HPSE2: variants seen among roughly 807,000 people sequenced by gnomAD.
HPSE2 encodes the protein inactive heparanase-2.
HPSE2 carries 38 observed loss-of-function variants against 60.5 expected under a neutral mutation model. The observed-to-expected ratio is 0.63, with a 90% CI of 0.48 to 0.82. The LOEUF (loss-of-function observed/expected upper bound fraction) is 0.82. Ranked by LOEUF, HPSE2 falls within the 40% of genes least tolerant of loss-of-function variation. The pLI is 0.00. For synonymous variants in HPSE2, 295 were observed against 293.2 expected, an observed-to-expected ratio of 1.01 and a Z score of -0.06; for missense variants, 713 against 740.4, an observed-to-expected ratio of 0.96 and a Z score of 0.43.
At chr10:98,744,533 C>CAAAACAAAACAAA (rs1007922311) in intron 3 of HPSE2, among the ~76,000 whole-genome samples, 1 of 150,916 alleles carries the variant, frequency 6.6e-6, no homozygotes, top group Admixed American at 6.6e-5. Flanking sequence ...GTCTCAAAAA[C>CAAAACAAAACAAA]AAAACAAAAC....
At chr10:98,698,537 G>A (rs1012373347) in intron 5 of HPSE2, among the ~76,000 whole-genome samples, 83 of 151,872 alleles carry the variant, frequency 5.5e-4, no homozygotes, top group Admixed American at 1.1e-3. Context: ...AAGAGAAAGC[G>A]GGAAAGATCC....
At chr10:98,667,833 C>T (rs917333795) in intron 6 of HPSE2, among the ~76,000 whole-genome samples, 1 of 152,014 alleles carries the variant, frequency 6.6e-6, no homozygotes, top group African/African-American at 2.4e-5. Flanking sequence ...ATATTGAATG[C>T]GGAAAAGCTA....
chr10:99,081,489 A>G (rs1843134345), intron 3 of HPSE2, among the ~76,000 whole-genome samples: 2 of 152,108 alleles, frequency 1.3e-5, no homozygotes, highest in Non-Finnish European at 2.9e-5. Context: ...ATTAAAAATA[A>G]TGTCTTTAAA....
chr10:98,774,557 C>T (rs954075811), intron 3 of HPSE2, among the ~76,000 whole-genome samples: 4 of 152,152 alleles, frequency 2.6e-5, no homozygotes, highest in Non-Finnish European at 5.9e-5. Flanking sequence ...TCCTATTCAT[C>T]CCAACCCCCT....
At chr10:98,762,357 GAA>G (rs1950025420) in intron 3 of HPSE2, among the ~76,000 whole-genome samples, 1 of 151,770 alleles carries the variant, frequency 6.6e-6, no homozygotes. Context: ...AAGAAGTGAG[GAA>G]AAGTCTCTTA....
chr10:98,619,090 C>T (rs376079428), intron 8 of HPSE2, among the ~76,000 whole-genome samples: 12 of 152,310 alleles, frequency 7.9e-5, no homozygotes, highest in African/African-American at 2.9e-4. Context: ...TAAAGGCAAT[C>T]CACTTGACTG....
At chr10:98,577,614 C>G (rs1436304599) in intron 9 of HPSE2, among the ~76,000 whole-genome samples, 1 of 152,208 alleles carries the variant, frequency 6.6e-6, no homozygotes, top group Non-Finnish European at 1.5e-5. Context: ...ATTTTTCTCT[C>G]TCTTACCACA....
intron 3 of HPSE2, among the ~76,000 whole-genome samples, chr10:99,120,308 T>C (rs181591571): frequency 8.4e-4 from 128 of 152,216 alleles, no homozygotes; most frequent in Non-Finnish European, 1.5e-3. Context: ...GAAAGACATA[T>C]ATGTGGCCAA....
intron 3 of HPSE2, among the ~76,000 whole-genome samples, chr10:99,014,204 G>A (rs752312228): frequency 2.6e-5 from 4 of 152,204 alleles, no homozygotes; most frequent in Admixed American, 6.5e-5. Context: ...AACGAGCCTC[G>A]CAAGCCACCG....
At chr10:98,877,709 A>G (rs1464397261) in intron 3 of HPSE2, among the ~76,000 whole-genome samples, 1 of 151,944 alleles carries the variant, frequency 6.6e-6, no homozygotes, top group South Asian at 2.1e-4. Flanking sequence ...TTAAATGTGC[A>G]GTTTTCTCAC....
intron 9 of HPSE2, among the ~76,000 whole-genome samples, chr10:98,571,667 C>T (rs1589437746): frequency 6.6e-6 from 1 of 152,098 alleles, no homozygotes; most frequent in Admixed American, 6.5e-5. Context: ...AAAATTACAA[C>T]ATTCATGGAC....
At chr10:98,462,959 C>CTTTTTT (rs56061368) in intron 11 of HPSE2, among the ~76,000 whole-genome samples, 7 of 146,588 alleles carry the variant, frequency 4.8e-5, no homozygotes, top group Non-Finnish European at 3.0e-5. Context: ...CTTATCTCTG[C>CTTTTTT]TTTTTTTTTT....
At chr10:98,801,372 G>GA (rs752089755) in intron 3 of HPSE2, among the ~76,000 whole-genome samples, 1 of 149,564 alleles carries the variant, frequency 6.7e-6, no homozygotes, top group African/African-American at 2.5e-5. Context: ...AATCAGACAA[G>GA]AAAAAAAAAT....
chr10:98,922,304 G>T (rs1446493288), intron 3 of HPSE2, among the ~76,000 whole-genome samples: 1 of 152,154 alleles, frequency 6.6e-6, no homozygotes, highest in Non-Finnish European at 1.5e-5. Flanking sequence ...CCCTTCAGGG[G>T]AGCTGGACTG....
chr10:99,132,229 G>GAA lies in HPSE2; in HGVS notation c.610+12008_610+12009insTT, dbSNP rs1313413051. Among the ~76,000 whole-genome samples the GAA allele has an allele frequency of 8.5e-3, 142 of 16,692 alleles. 2 individuals carry two copies. Among genetic ancestry groups the GAA allele is most frequent in the Non-Finnish European group, 0.015 (61 of 4,028 alleles). 11.0% of individuals were successfully genotyped at this position (16,692 alleles called of 152,430 possible). ...AGAGAGAGAGAGAGAGAGAGAGAGAGAGAGAGAGAGAGAGAAAGAAAGAAA... is the reference window on the plus strand; with the variant it reads ...AGAGAGAGAGAGAGAGAGAGAGAGAGAAAGAGAGAGAGAGAGAAAGAAAGAAA... On this transcript the variant is annotated intron_variant, in intron 3 of 11. Transcript: ENST00000370552.
chr10:99,233,440 G>T (rs887995884), intron 1 of HPSE2, among the ~76,000 whole-genome samples: 3 of 152,204 alleles, frequency 2.0e-5, no homozygotes, highest in Non-Finnish European at 4.4e-5. Flanking sequence ...AATAGCATTT[G>T]CATCTATTTA....
At position 99,232,419 on chromosome 10, in the gene HPSE2, T is replaced by C; in HGVS notation, c.377A>G (p.Gln126Arg). Residue 126 changes from glutamine (Q) to arginine (R), a missense_variant, in exon 2 of 12, where the codon CAG (glutamine) becomes CGG (arginine). Coordinates refer to ENST00000370552, the MANE Select transcript of HPSE2 (RefSeq NM_021828.5). ...GGKRTDFLQF[Q>R]NLRNPAKSRG... ...GCTTTTCGCCGGGTTCCTCAGGTTC[T>C]GGAACTGCAGGAAGTCGGTCCTTTT... 6.4e-7 allele frequency: 1 copy of C among 1,553,650 alleles called. No individual in the cohort carries two copies. Among genetic ancestry groups the C allele is most frequent in the African/African-American group, 1.4e-5 (1 of 73,296 alleles).
chr10:98,480,455 T>C (rs1042400040), intron 11 of HPSE2, among the ~76,000 whole-genome samples: 2 of 152,134 alleles, frequency 1.3e-5, no homozygotes, highest in Admixed American at 6.6e-5. Flanking sequence ...GTTGAACATA[T>C]GACATATCGC....
chr10:98,889,008 T>C (rs1953253363), intron 3 of HPSE2, among the ~76,000 whole-genome samples: 1 of 151,868 alleles, frequency 6.6e-6, no homozygotes, highest in Non-Finnish European at 1.5e-5. Flanking sequence ...CTGGGCAAAA[T>C]AGCAAGACCC....
Sources: allele counts gnomAD v4.1 joint callset (sites outside exome capture counted in the v4.1 genomes callset), GRCh38; gene constraint gnomAD v4.1.1; transcripts MANE v1.5; gene names NCBI Gene and HGNC (gene_info 2026-07-23, HGNC 2026-07-21).